CNIH3: variants seen among roughly 807,000 people sequenced by gnomAD.
CNIH3 encodes the protein protein cornichon homolog 3.
Under a neutral mutation model 24.1 loss-of-function variants are expected in CNIH3, and 14 were observed. The ratio of observed to expected loss-of-function variants is 0.58; its 90% CI spans 0.38 to 0.91. CNIH3 has a LOEUF of 0.91. Ranked by LOEUF, CNIH3 falls within the 40% of genes least tolerant of loss-of-function variation. The pLI is 0.00. For synonymous variants in CNIH3, 68 were observed against 73.8 expected (o/e 0.92, Z 0.40); for missense variants, 178 against 196.8 (o/e 0.90, Z 0.57).
At chr1:224,627,489 G>T (rs1175635288) in intron 1 of CNIH3, among the ~76,000 whole-genome samples, 1 of 152,142 alleles carries the variant, frequency 6.6e-6, no homozygotes. Context: ...CTCCCAAAGT[G>T]CTGGGATTAC....
intron 4 of CNIH3, among the ~76,000 whole-genome samples, chr1:224,573,680 A>G (rs930511742): frequency 6.6e-6 from 1 of 152,242 alleles, no homozygotes; most frequent in African/African-American, 2.4e-5. Context: ...TCAGAACTCA[A>G]GCATGAGAAA....
At chr1:224,674,360 G>A (rs1336190229) in intron 1 of CNIH3, among the ~76,000 whole-genome samples, 2 of 125,978 alleles carry the variant, frequency 1.6e-5, no homozygotes, top group African/African-American at 2.9e-5. Context: ...AGACAAGTGA[G>A]ATAACTTTTA....
chr1:224,595,576 A>G (rs1681945208), intron 3 of CNIH3, among the ~76,000 whole-genome samples: 1 of 152,236 alleles, frequency 6.6e-6, no homozygotes, highest in Admixed American at 6.5e-5. Flanking sequence ...GTCAAGTGAA[A>G]GAAGAGTTGC....
Position 224,605,800 on chromosome 1 carries a change from C to T in CNIH3, n.402+39536C>T, listed in dbSNP as rs116898266. 2.5e-3 allele frequency among the ~76,000 whole-genome samples: 386 copies of T among 152,210 alleles called. 10 individuals carry two copies. In the East Asian group the frequency reaches 0.048, roughly 19 times the overall value. On this transcript the variant is annotated intron_variant and non_coding_transcript_variant, in intron 3 of 7. Coordinates refer to the CNIH3 transcript ENST00000478120. ...CCCTACTAATCAGCATTTTCCTTAC[C>T]GTAGCCCCCTGCCCACCAAACTATC...
downstream of CNIH3, among the ~76,000 whole-genome samples, chr1:224,540,218 T>C (rs1395478946): frequency 1.3e-5 from 2 of 152,240 alleles, no homozygotes; most frequent in African/African-American, 2.4e-5. Context: ...ATTTTGCTCC[T>C]GTGGTTTTGT....
At position 224,443,333 on chromosome 1, in the gene CNIH3, G is replaced by T. The variant is rs139771874; in HGVS notation, n.203+8471G>T. On this transcript the variant is annotated intron_variant and non_coding_transcript_variant, in intron 1 of 5. Transcript: ENST00000471578. ...ACAACTACTTGCATCTATCTAATGA[G>T]GGTTTCTAAATTGTGTAGGCCTGTA... 2.8e-3 allele frequency among the ~76,000 whole-genome samples: 429 copies of T among 152,252 alleles called. 7 individuals carry two copies. The highest frequency in any genetic ancestry group is 0.025 in the East Asian group (128 of 5,178).
chr1:224,705,859 CTTTTT>C (rs869143802), intron 3 of CNIH3, among the ~76,000 whole-genome samples: 8 of 88,924 alleles, frequency 9.0e-5, no homozygotes, highest in African/African-American at 2.1e-4. Context: ...TCTTTTTTTT[CTTTTT>C]TTTTTTTTTT....
intron 1 of CNIH3, among the ~76,000 whole-genome samples, chr1:224,463,043 G>T (rs757678215): frequency 6.6e-6 from 1 of 151,330 alleles, no homozygotes; most frequent in African/African-American, 2.4e-5. Flanking sequence ...GACTACAGGC[G>T]TGTGCCACCA....
At chr1:224,665,762 C>A (rs1685569496) in intron 1 of CNIH3, among the ~76,000 whole-genome samples, 1 of 151,586 alleles carries the variant, frequency 6.6e-6, no homozygotes, top group Non-Finnish European at 1.5e-5. Flanking sequence ...AAGAGATTTA[C>A]AGTTCCTCCC....
intron 3 of CNIH3, among the ~76,000 whole-genome samples, chr1:224,723,263 G>A (rs1161276207): frequency 1.3e-5 from 2 of 152,184 alleles, no homozygotes; most frequent in African/African-American, 4.8e-5. Context: ...CCCAACAGGG[G>A]CCTCTGGGCC....
chr1:224,738,152 C>T (rs1386616863), intron 5 of CNIH3, among the ~76,000 whole-genome samples: 1 of 152,216 alleles, frequency 6.6e-6, no homozygotes, highest in Non-Finnish European at 1.5e-5. Context: ...ACTGAATCCT[C>T]GTGGTTTGTT....
At chr1:224,691,916 T>C (rs1686951680) in intron 3 of CNIH3, among the ~76,000 whole-genome samples, 3 of 152,260 alleles carry the variant, frequency 2.0e-5, no homozygotes, top group African/African-American at 7.2e-5. Context: ...CAAATTTCTT[T>C]GACCTAAGTG....
intron 3 of CNIH3, among the ~76,000 whole-genome samples, chr1:224,707,933 G>T (rs1687912516): frequency 6.6e-6 from 1 of 152,006 alleles, no homozygotes; most frequent in Non-Finnish European, 1.5e-5. Flanking sequence ...TGTCCCTGGT[G>T]CTGCTGAGAC....
intron 1 of CNIH3, among the ~76,000 whole-genome samples, chr1:224,669,529 C>T (rs1685759535): frequency 6.6e-6 from 1 of 152,206 alleles, no homozygotes; most frequent in South Asian, 2.1e-4. Flanking sequence ...CTTTTACCTA[C>T]ACCCTCTACC....
At chr1:224,535,917 CA>C (rs970701341) in intron 2 of CNIH3, among the ~76,000 whole-genome samples, 1 of 152,196 alleles carries the variant, frequency 6.6e-6, no homozygotes, top group African/African-American at 2.4e-5. Context: ...TCACCTGCAG[CA>C]AGGCAGGGAG....
intron 1 of CNIH3, among the ~76,000 whole-genome samples, chr1:224,674,382 A>G (rs1233887281): frequency 2.0e-5 from 3 of 146,626 alleles, no homozygotes; most frequent in South Asian, 2.1e-4. Context: ...TCTCCTAACT[A>G]TAAATTCTGT....
chr1:224,602,782 G>A (rs1232231908), intron 3 of CNIH3, among the ~76,000 whole-genome samples: 1 of 152,164 alleles, frequency 6.6e-6, no homozygotes, highest in African/African-American at 2.4e-5. Context: ...AAAGGAAAAG[G>A]GCTTTGAATC....
intron 1 of CNIH3, among the ~76,000 whole-genome samples, chr1:224,500,410 G>A (rs933799472): frequency 2.0e-5 from 3 of 151,952 alleles, no homozygotes; most frequent in African/African-American, 4.8e-5. Context: ...AACAGTTCAT[G>A]CCTGTAATCC....
intron 5 of CNIH3, among the ~76,000 whole-genome samples, chr1:224,585,458 A>T (rs148761366): frequency 6.6e-6 from 1 of 151,910 alleles, no homozygotes; most frequent in Non-Finnish European, 1.5e-5. Flanking sequence ...ATATTAAACC[A>T]AAGCACAGTT....
Sources: gnomAD v4.1 joint callset for allele counts (sites outside exome capture counted in the v4.1 genomes callset) on GRCh38, gnomAD v4.1.1 for gene constraint, MANE v1.5 for transcripts, NCBI Gene and HGNC (gene_info 2026-07-23, HGNC 2026-07-21) for gene names.